ADAM2: variants seen among roughly 807,000 people sequenced by gnomAD.
ADAM2 encodes disintegrin and metalloproteinase domain-containing protein 2.
ADAM2 carries 101 observed loss-of-function variants against 99.3 expected under a neutral mutation model. The ratio of observed to expected loss-of-function variants is 1.02; its 90% CI spans 0.87 to 1.20. The LOEUF is 1.20. Among genes scored for constraint, ADAM2 ranks in the 50% most tolerant of loss-of-function variants. The pLI is 0.00. For missense variants in ADAM2, 948 were observed against 878.7 expected (o/e 1.08, Z -1.00); for synonymous variants, 323 against 287.6 (o/e 1.12, Z -1.25).
chr8:39,758,107 A>C (rs1388205468), intron 15 of ADAM2, among the ~76,000 whole-genome samples: 1 of 152,220 alleles, frequency 6.6e-6, no homozygotes, highest in Non-Finnish European at 1.5e-5. Context: ...AATTGGAATT[A>C]GAATTATCAC....
chr8:39,836,665 A>G (rs984146981), intron 2 of ADAM2, among the ~76,000 whole-genome samples: 3 of 152,216 alleles, frequency 2.0e-5, no homozygotes, highest in African/African-American at 7.2e-5. Flanking sequence ...CTGAACTAAA[A>G]TAATCTAAAA....
chr8:39,744,590 C>T (rs568552515), intron 20 of ADAM2, among the ~76,000 whole-genome samples: 2 of 152,104 alleles, frequency 1.3e-5, no homozygotes, highest in South Asian at 2.1e-4. Flanking sequence ...ATCATGAAAA[C>T]ACATGGACAC....
chr8:39,769,708 C>G, intron 11 of ADAM2, 133 bp from the exon 12 acceptor site: 2 of 606,762 alleles, frequency 3.3e-6, no homozygotes, highest in South Asian at 4.3e-5. Context: ...CTTTCAATCT[C>G]TGTGCATGGG....
intron 12 of ADAM2, 40 bp downstream of exon 12, chr8:39,769,352 G>C: frequency 6.8e-7 from 1 of 1,472,084 alleles, no homozygotes; most frequent in Non-Finnish European, 9.3e-7. Context: ...AGTAATTTTT[G>C]CTGCAATTTC....
chr8:39,767,840 C>T (rs1024833139), intron 12 of ADAM2, among the ~76,000 whole-genome samples: 1 of 150,976 alleles, frequency 6.6e-6, no homozygotes, highest in Non-Finnish European at 1.5e-5. Flanking sequence ...GCTTTTAAAA[C>T]TTCTATTACT....
intron 7 of ADAM2, among the ~76,000 whole-genome samples, chr8:39,797,805 T>A (rs113147283): frequency 2.6e-5 from 4 of 152,356 alleles, no homozygotes; most frequent in African/African-American, 9.6e-5. Context: ...TTGTAGCAAT[T>A]GCAAATGGGA....
intron 4 of ADAM2, among the ~76,000 whole-genome samples, chr8:39,822,902 G>C (rs535061668): frequency 3.9e-5 from 6 of 152,214 alleles, no homozygotes; most frequent in African/African-American, 1.4e-4. Flanking sequence ...CTGAGTAGCT[G>C]GGACTACAGG....
At chr8:39,814,971 A>G (rs1804878782) in intron 6 of ADAM2, among the ~76,000 whole-genome samples, 1 of 152,060 alleles carries the variant, frequency 6.6e-6, no homozygotes, top group Admixed American at 6.6e-5. Flanking sequence ...ATGAGAAGCA[A>G]GAGACAGCAT....
At chr8:39,802,536 C>A (rs1804264269) in intron 7 of ADAM2, among the ~76,000 whole-genome samples, 1 of 152,162 alleles carries the variant, frequency 6.6e-6, no homozygotes, top group South Asian at 2.1e-4. Flanking sequence ...CCTTCAATAT[C>A]TGTGTGTGAC....
intron 6 of ADAM2, among the ~76,000 whole-genome samples, chr8:39,811,127 A>T (rs1213927701): frequency 2.0e-5 from 3 of 152,232 alleles, no homozygotes; most frequent in Non-Finnish European, 2.9e-5. Context: ...TCCCACAGAA[A>T]TACAAGCTAC....
chr8:39,799,940 C>T (rs1488688164), intron 7 of ADAM2, among the ~76,000 whole-genome samples: 1 of 152,170 alleles, frequency 6.6e-6, no homozygotes, highest in Non-Finnish European at 1.5e-5. Flanking sequence ...AGATGGGTCT[C>T]CTGAGTACAG....
At chr8:39,823,757 G>C (rs1471498085) in intron 4 of ADAM2, among the ~76,000 whole-genome samples, 1 of 151,668 alleles carries the variant, frequency 6.6e-6, no homozygotes, top group Non-Finnish European at 1.5e-5. Flanking sequence ...CTATGTAACA[G>C]TATATTAGTT....
At chr8:39,790,836 C>A (rs1439961288) in intron 7 of ADAM2, among the ~76,000 whole-genome samples, 2 of 151,850 alleles carry the variant, frequency 1.3e-5, no homozygotes, top group African/African-American at 4.8e-5. Flanking sequence ...GGAAAGGGAA[C>A]AACTCCTGAA....
intron 2 of ADAM2, 56 bp downstream of exon 2, chr8:39,837,080 A>T (rs1326365983): frequency 7.0e-7 from 1 of 1,419,084 alleles, no homozygotes; most frequent in Non-Finnish European, 9.7e-7. Flanking sequence ...TTAACTTCTT[A>T]GAAACAAAAT....
chr8:39,752,767 C>T (rs901079868), intron 16 of ADAM2, among the ~76,000 whole-genome samples: 2 of 152,096 alleles, frequency 1.3e-5, no homozygotes, highest in African/African-American at 4.8e-5. Flanking sequence ...GTGAGTAAGT[C>T]TCATGAGATC....
intron 16 of ADAM2, among the ~76,000 whole-genome samples, chr8:39,750,653 A>C (rs1280092649): frequency 6.6e-6 from 1 of 152,150 alleles, no homozygotes; most frequent in Non-Finnish European, 1.5e-5. Flanking sequence ...TGTATTTGAG[A>C]TAGAAAGTTG....
chr8:39,808,290 C>T (rs761254590), intron 7 of ADAM2, among the ~76,000 whole-genome samples: 1 of 149,042 alleles, frequency 6.7e-6, no homozygotes, highest in East Asian at 2.0e-4. Flanking sequence ...TTTTACACTA[C>T]CAAATGAACA....
chr8:39,832,485 A>T (rs1563387659), intron 3 of ADAM2, among the ~76,000 whole-genome samples: 1 of 152,152 alleles, frequency 6.6e-6, no homozygotes. Flanking sequence ...CTTTATTCTC[A>T]TCTGATGCAG....
intron 20 of ADAM2, 27 bp from the exon 21 acceptor site, chr8:39,744,091 G>A (rs962158411): frequency 1.3e-5 from 2 of 151,722 alleles, no homozygotes; most frequent in East Asian, 3.9e-4. Context: ...AAAAGTCACC[G>A]TTATCAACAA....
Sources: gnomAD v4.1 joint callset for allele counts (sites outside exome capture counted in the v4.1 genomes callset) on GRCh38, gnomAD v4.1.1 for gene constraint, MANE v1.5 for transcripts, NCBI Gene and HGNC (gene_info 2026-07-23, HGNC 2026-07-21) for gene names.